Variants in FOXP2 observed in about 807,000 individuals in gnomAD.
FOXP2 encodes the protein forkhead box protein P2.
A neutral mutation model predicts 115.8 loss-of-function variants in FOXP2; 12 were observed. The observed-to-expected ratio is 0.10, with a 90% confidence interval of 0.07 to 0.17. The LOEUF (loss-of-function observed/expected upper bound fraction) is 0.17. FOXP2 is among the 10% of genes least tolerant of loss of function. The pLI is 1.00. For missense variants in FOXP2, 629 were observed against 843.5 expected, an observed-to-expected ratio of 0.75 and a Z score of 3.15; for synonymous variants, 328 against 297.7, an observed-to-expected ratio of 1.10 and a Z score of -1.05.
At chr7:114,652,139 T>C (rs1039565427) in intron 8 of FOXP2, 64 bp from the exon 9 acceptor site, 1 of 1,463,040 alleles carries the variant, frequency 6.8e-7, no homozygotes, top group Non-Finnish European at 9.6e-7. Context: ...GCTTTTTAAG[T>C]GTAGCCTATG....
At chr7:114,397,207 T>G (rs770886246) in intron 2 of FOXP2, among the ~76,000 whole-genome samples, 1 of 152,150 alleles carries the variant, frequency 6.6e-6, no homozygotes, top group Non-Finnish European at 1.5e-5. Flanking sequence ...TTTAAAAGTT[T>G]ATCTGAGATT....
intron 3 of FOXP2, among the ~76,000 whole-genome samples, chr7:114,610,894 C>T (rs1803590040): frequency 1.3e-5 from 2 of 152,044 alleles, no homozygotes; most frequent in Admixed American, 1.3e-4. Flanking sequence ...CTCAGCCGTC[C>T]AAGTTGCTGG....
intron 2 of FOXP2, among the ~76,000 whole-genome samples, chr7:114,320,791 A>G (rs1797401573): frequency 6.6e-6 from 1 of 152,076 alleles, no homozygotes; most frequent in Non-Finnish European, 1.5e-5. Flanking sequence ...AACCTTCTCA[A>G]CTTCACCCTA....
At chr7:114,321,144 T>C (rs1797409458) in intron 2 of FOXP2, among the ~76,000 whole-genome samples, 1 of 151,910 alleles carries the variant, frequency 6.6e-6, no homozygotes, top group Non-Finnish European at 1.5e-5. Context: ...ACAAGGAGCC[T>C]CGCTATTCTG....
chr7:114,523,623 T>A (rs908395574), intron 2 of FOXP2, among the ~76,000 whole-genome samples: 2 of 152,184 alleles, frequency 1.3e-5, no homozygotes, highest in Non-Finnish European at 2.9e-5. Context: ...GTGCCTCCAA[T>A]TGCAGAAAGC....
At chr7:114,255,439 C>A (rs182722820) in intron 1 of FOXP2, among the ~76,000 whole-genome samples, 1 of 152,280 alleles carries the variant, frequency 6.6e-6, no homozygotes, top group Non-Finnish European at 1.5e-5. Flanking sequence ...TGGGCTCCAC[C>A]CAGTTGGAGC....
intron 13 of FOXP2, chr7:114,661,860 G>A: frequency 1.8e-6 from 1 of 561,822 alleles, no homozygotes; most frequent in Non-Finnish European, 3.1e-6. Flanking sequence ...TAGCTTGGAA[G>A]GTTCTCTTAT....
At chr7:114,237,389 C>T (rs932025642) in intron 1 of FOXP2, among the ~76,000 whole-genome samples, 1 of 152,164 alleles carries the variant, frequency 6.6e-6, no homozygotes, top group Admixed American at 6.5e-5. Flanking sequence ...TTCTCAGTTT[C>T]TTCAGGCATA....
chr7:114,680,233 G>GT lies in FOXP2; in HGVS notation c.2004-9542dup, dbSNP rs529274110. 1.0e-3 allele frequency among the ~76,000 whole-genome samples: 152 copies of GT among 152,256 alleles called. 1 individual carries two copies. The highest frequency in any genetic ancestry group is 3.4e-3 in the African/African-American group (143 of 41,558). ...TTTAAAGCAAGAAACATAAATTGGTGTTTTTTTGTAGTAAGGAAAATGTTG... is the reference window on the plus strand; with the variant it reads ...TTTAAAGCAAGAAACATAAATTGGTGTTTTTTTTGTAGTAAGGAAAATGTTG... On this transcript the variant is annotated intron_variant, in intron 16 of 16. Transcript: ENST00000350908.
intron 1 of FOXP2, among the ~76,000 whole-genome samples, chr7:114,151,208 T>C (rs1169074234): frequency 6.6e-6 from 1 of 151,990 alleles, no homozygotes; most frequent in African/African-American, 2.4e-5. Context: ...CTCCTCATCA[T>C]GAATGAGCAA....
At chr7:114,576,031 A>T (rs1195781913) in intron 3 of FOXP2, among the ~76,000 whole-genome samples, 1 of 151,966 alleles carries the variant, frequency 6.6e-6, no homozygotes, top group East Asian at 1.9e-4. Flanking sequence ...ATTGATTATT[A>T]TGATGGTATT....
intron 6 of FOXP2, among the ~76,000 whole-genome samples, chr7:114,639,188 A>G (rs1805391107): frequency 6.6e-6 from 1 of 152,194 alleles, no homozygotes; most frequent in African/African-American, 2.4e-5. Context: ...TTAGCCACTC[A>G]ATCTATGTTA....
chr7:114,675,311 T>C (rs920603529), intron 16 of FOXP2, among the ~76,000 whole-genome samples: 2 of 152,108 alleles, frequency 1.3e-5, no homozygotes, highest in Non-Finnish European at 2.9e-5. Flanking sequence ...TGAAACTTTG[T>C]CTTTGAAAAA....
intron 2 of FOXP2, among the ~76,000 whole-genome samples, chr7:114,401,677 C>T (rs1792890248): frequency 6.6e-6 from 1 of 152,192 alleles, no homozygotes; most frequent in African/African-American, 2.4e-5. Context: ...CTATACTGTG[C>T]TGATCTCTCA....
intron 2 of FOXP2, among the ~76,000 whole-genome samples, chr7:114,382,387 C>T (rs1792328346): frequency 6.6e-6 from 1 of 152,186 alleles, no homozygotes; most frequent in Non-Finnish European, 1.5e-5. Context: ...GGACCTTCAT[C>T]CCCTGGGGCA....
chr7:114,692,726 T>C lies in FOXP2; in HGVS notation c.*2800T>C, dbSNP rs1156238189. 1 of 445,752 alleles carries C rather than the reference T, an allele frequency of 2.2e-6. No homozygotes were observed. Among genetic ancestry groups the C allele is most frequent in the South Asian group, 1.6e-5 (1 of 62,212 alleles). 27.6% of individuals were successfully genotyped at this position (445,752 alleles called of 1,614,324 possible). The stretch of plus-strand genomic sequence containing the variant: ...TAAATGGCTCATGTATTCTTGCTTC[T>C]ATCATAAGCTGATTATGGGGACTAT... On this transcript the variant is annotated 3_prime_UTR_variant, in exon 17 of 17. Coordinates refer to ENST00000350908, the MANE Select transcript of FOXP2 (RefSeq NM_014491.4).
chr7:114,163,633 CCTAT>C (rs1376219817), intron 1 of FOXP2, among the ~76,000 whole-genome samples: 1 of 152,000 alleles, frequency 6.6e-6, no homozygotes, highest in Non-Finnish European at 1.5e-5. Flanking sequence ...AGACTGATTC[CCTAT>C]CTGTTAGGAA....
chr7:114,193,717 C>A, intron 1 of FOXP2, among the ~76,000 whole-genome samples: 1 of 151,990 alleles, frequency 6.6e-6, no homozygotes, highest in Non-Finnish European at 1.5e-5. Flanking sequence ...ATGGCACTAC[C>A]ATTGTTGAGA....
In FOXP2 at chr7:114,142,429, C is replaced by CA. The variant is rs368612644; in HGVS notation, c.-246-20507dup. On this transcript the variant is annotated intron_variant, in intron 1 of 19. Transcript: ENST00000635638. Reference sequence around the variant, plus strand: ...TCAATTTTCTTAATATTATAAATTCCAAAAAAAATTAGATCTTCAAAAATA... The same window carrying CA: ...TCAATTTTCTTAATATTATAAATTCCAAAAAAAAATTAGATCTTCAAAAATA... Among the ~76,000 whole-genome samples the CA allele has an allele frequency of 3.3e-5, 5 of 151,054 alleles. No individual in the cohort carries two copies. The South Asian group carries it at 6.3e-4, about 19-fold the overall frequency.
Sources: gnomAD v4.1 joint callset for allele counts (sites outside exome capture counted in the v4.1 genomes callset) on GRCh38, gnomAD v4.1.1 for gene constraint, MANE v1.5 for transcripts, NCBI Gene and HGNC (gene_info 2026-07-23, HGNC 2026-07-21) for gene names.